The following ZRANB3 variants were observed in gnomAD, a reference collection of about 807,000 sequenced individuals.
ZRANB3 encodes DNA annealing helicase and endonuclease ZRANB3.
A neutral mutation model predicts 133.8 loss-of-function variants in ZRANB3; 125 were observed. The ratio of observed to expected loss-of-function variants is 0.93; its 90% CI spans 0.81 to 1.08. ZRANB3 has a LOEUF of 1.08. ZRANB3 is among the 50% of genes least tolerant of loss of function. The probability of loss-of-function intolerance (pLI) is 0.00; values close to 1 mark genes in which losing one functional copy is unlikely to be tolerated. For missense variants in ZRANB3, 1,229 were observed against 1,275.5 expected, an observed-to-expected ratio of 0.96 and a Z score of 0.56; for synonymous variants, 387 against 432.7, an observed-to-expected ratio of 0.89 and a Z score of 1.31.
At chr2:135,503,719 G>A (rs1300908625) in intron 2 of ZRANB3, among the ~76,000 whole-genome samples, 1 of 152,178 alleles carries the variant, frequency 6.6e-6, no homozygotes, top group Non-Finnish European at 1.5e-5. Flanking sequence ...CCAGCACTTT[G>A]GGAGGCGGGG....
intron 12 of ZRANB3, among the ~76,000 whole-genome samples, chr2:135,238,451 T>C (rs1407681923): frequency 1.3e-5 from 2 of 149,472 alleles, no homozygotes; most frequent in East Asian, 2.0e-4. Flanking sequence ...TGGAGTACAA[T>C]GGCGCAATCT....
intron 2 of ZRANB3, among the ~76,000 whole-genome samples, chr2:135,435,282 T>C (rs1689484503): frequency 2.6e-5 from 4 of 152,210 alleles, no homozygotes. Context: ...CTAAGAAGAA[T>C]GGCCTCTAGC....
chr2:135,502,307 A>G (rs1692985596), intron 2 of ZRANB3, among the ~76,000 whole-genome samples: 1 of 152,170 alleles, frequency 6.6e-6, no homozygotes, highest in African/African-American at 2.4e-5. Context: ...AAATGAATGA[A>G]TTTTGCTTTA....
intron 6 of ZRANB3, among the ~76,000 whole-genome samples, chr2:135,337,742 C>A (rs1356733836): frequency 6.6e-6 from 1 of 152,138 alleles, no homozygotes; most frequent in East Asian, 1.9e-4. Context: ...GTCCAAGTCA[C>A]AAAACTATAT....
chr2:135,220,047 A>G (rs1558837912), intron 15 of ZRANB3, among the ~76,000 whole-genome samples: 1 of 151,520 alleles, frequency 6.6e-6, no homozygotes, highest in Admixed American at 6.6e-5. Context: ...AATTTTTTAT[A>G]TTTTTTGTAG....
chr2:135,492,929 T>C (rs1344855299), intron 2 of ZRANB3, among the ~76,000 whole-genome samples: 3 of 150,858 alleles, frequency 2.0e-5, no homozygotes, highest in African/African-American at 4.9e-5. Flanking sequence ...AAACAGGAAA[T>C]AGATTTAGAC....
intron 5 of ZRANB3, among the ~76,000 whole-genome samples, chr2:135,348,436 T>C (rs1685046546): frequency 6.6e-6 from 1 of 152,150 alleles, no homozygotes; most frequent in Admixed American, 6.5e-5. Flanking sequence ...TTGCTTTGAA[T>C]AGTGGCTACC....
rs375891572 is a variant in ZRANB3, at chr2:135,414,906, C to T, written c.162-24086G>A. Among the ~76,000 whole-genome samples, 18 of 152,016 alleles carry T rather than the reference C, an allele frequency of 1.2e-4. No individual in the cohort carries two copies. The South Asian group carries it at 1.5e-3, about 12-fold the overall frequency. Reference sequence around the variant, plus strand: ...AAATAAAGATGTTCTTTGAAACCAACGGGAACAAAGACACAACATACCAGA... The same window carrying T: ...AAATAAAGATGTTCTTTGAAACCAATGGGAACAAAGACACAACATACCAGA... On this transcript the variant is annotated intron_variant, in intron 2 of 20. Coordinates refer to ENST00000264159, the MANE Select transcript of ZRANB3 (RefSeq NM_032143.4).
rs368771244 is a variant in ZRANB3 at position 135,271,908 on chromosome 2, G to T, written c.1087-21C>A. On this transcript the variant is annotated intron_variant, in intron 9 of 20. Transcript: ENST00000264159. The stretch of plus-strand genomic sequence containing the variant: ...CGAGTCTAGCATCAACAAGGAAAAC[G>T]GCAAAATTAGGACAAGGCCCTATGT... The T allele has an allele frequency of 6.0e-4, 967 of 1,603,134 alleles. No individual in the cohort carries two copies. Among genetic ancestry groups the T allele is most frequent in the Non-Finnish European group, 7.8e-4 (913 of 1,175,750 alleles).
intron 2 of ZRANB3, among the ~76,000 whole-genome samples, chr2:135,482,354 A>C (rs1222348933): frequency 7.1e-6 from 1 of 140,720 alleles, no homozygotes. Context: ...TTGGATTCCT[A>C]GGTATTTTAT....
intron 6 of ZRANB3, among the ~76,000 whole-genome samples, chr2:135,315,817 G>A (rs1444810001): frequency 6.6e-6 from 1 of 152,190 alleles, no homozygotes; most frequent in East Asian, 1.9e-4. Flanking sequence ...GTCACTGTTT[G>A]TAAATGGGGG....
intron 19 of ZRANB3, among the ~76,000 whole-genome samples, chr2:135,206,035 A>G (rs757579786): frequency 3.9e-5 from 6 of 152,186 alleles, no homozygotes; most frequent in Non-Finnish European, 5.9e-5. Context: ...GGGGGAACAG[A>G]AGAACATGTC....
intron 3 of ZRANB3, among the ~76,000 whole-genome samples, chr2:135,389,916 T>C (rs1175062688): frequency 2.8e-5 from 4 of 140,878 alleles, no homozygotes; most frequent in Non-Finnish European, 6.1e-5. Context: ...AGTCTCACTC[T>C]GTCGCCCAAG....
chr2:135,516,879 T>G (rs2104837444), intron 1 of ZRANB3, among the ~76,000 whole-genome samples: 1 of 152,292 alleles, frequency 6.6e-6, no homozygotes, highest in East Asian at 1.9e-4. Context: ...TCCAACTTGG[T>G]TCTATTCTCC....
chr2:135,475,521 T>C (rs896058780), intron 2 of ZRANB3, among the ~76,000 whole-genome samples: 3 of 152,202 alleles, frequency 2.0e-5, no homozygotes, highest in African/African-American at 4.8e-5. Context: ...ATCATAATGG[T>C]GGCATGGGCA....
Position 135,239,467 on chromosome 2 carries a change from CA to C in ZRANB3, c.1540-8541del, listed in dbSNP as rs564545694. ...AAGGAAGGAAAATTTAGGCTGTTCCCATATTTGTAAAATTAAAACATGTTAT... is the reference window on the plus strand; with the variant it reads ...AAGGAAGGAAAATTTAGGCTGTTCCCTATTTGTAAAATTAAAACATGTTAT... On this transcript the variant is annotated intron_variant, in intron 12 of 20. Coordinates refer to ENST00000264159, the MANE Select transcript of ZRANB3 (RefSeq NM_032143.4). Among the ~76,000 whole-genome samples, 357 of 152,010 alleles carry C rather than the reference CA, an allele frequency of 2.3e-3. 3 individuals carry two copies. The highest frequency in any genetic ancestry group is 8.0e-3 in the African/African-American group (332 of 41,472).
chr2:135,392,629 G>A (rs1193742151), intron 2 of ZRANB3, among the ~76,000 whole-genome samples: 2 of 151,908 alleles, frequency 1.3e-5, no homozygotes, highest in African/African-American at 4.8e-5. Context: ...CACCCCTGTA[G>A]TCCCAGGTAC....
chr2:135,405,856 C>A (rs965984738), intron 2 of ZRANB3, among the ~76,000 whole-genome samples: 2 of 152,112 alleles, frequency 1.3e-5, no homozygotes, highest in Non-Finnish European at 2.9e-5. Context: ...TAAATGCCCA[C>A]AAGAGAAAGC....
chr2:135,425,843 C>T (rs1689038874), intron 2 of ZRANB3, among the ~76,000 whole-genome samples: 1 of 150,746 alleles, frequency 6.6e-6, no homozygotes, highest in South Asian at 2.1e-4. Context: ...TAACCAAAGT[C>T]AGAGCTGAAT....
Sources: allele counts gnomAD v4.1 joint callset (sites outside exome capture counted in the v4.1 genomes callset), GRCh38; gene constraint gnomAD v4.1.1; transcripts MANE v1.5; gene names NCBI Gene and HGNC (gene_info 2026-07-23, HGNC 2026-07-21).